LARGE1: variants seen among roughly 807,000 people sequenced by gnomAD.
LARGE1 encodes the protein LARGE xylosyl- and glucuronyltransferase 1, also known as xylosyl- and glucuronyltransferase LARGE1.
A neutral mutation model predicts 87.6 loss-of-function variants in LARGE1; 43 were observed. That is an observed-to-expected ratio of 0.49 (90% CI 0.38 to 0.63). The LOEUF (loss-of-function observed/expected upper bound fraction) is 0.63, where lower values mean the gene tolerates loss of function less well. Ranked by LOEUF, LARGE1 falls within the 30% of genes least tolerant of loss-of-function variation. The pLI is 0.00. For missense variants in LARGE1, 802 were observed against 1,000.2 expected, an observed-to-expected ratio of 0.80 and a Z score of 2.67; for synonymous variants, 434 against 394.6, an observed-to-expected ratio of 1.10 and a Z score of -1.18.
At chr22:33,159,583 A>ATT (rs768251168), downstream of LARGE1, among the ~76,000 whole-genome samples, 7 of 143,518 alleles carry the variant, frequency 4.9e-5, no homozygotes, top group East Asian at 2.0e-4. Flanking sequence ...ATCAATTTAA[A>ATT]TTTTTTTTTT....
intron 1 of LARGE1, among the ~76,000 whole-genome samples, chr22:33,811,590 C>A (rs150555477): frequency 1.3e-5 from 2 of 152,218 alleles, no homozygotes; most frequent in African/African-American, 4.8e-5. Context: ...GAAGAGCATG[C>A]TGTATTTAGG....
chr22:33,914,121 T>C (rs1038731325), intron 1 of LARGE1, among the ~76,000 whole-genome samples: 20 of 152,184 alleles, frequency 1.3e-4, no homozygotes, highest in Non-Finnish European at 1.8e-4. Context: ...AAACCTTCTA[T>C]TTACACTGCA....
chr22:33,621,198 T>G (rs1022974343), intron 4 of LARGE1, among the ~76,000 whole-genome samples: 5 of 152,208 alleles, frequency 3.3e-5, no homozygotes, highest in African/African-American at 1.2e-4. Context: ...ATTTATTCTG[T>G]TCTTAAGTAT....
At chr22:33,304,110 G>T in intron 12 of LARGE1, 119 bp downstream of exon 12, 1 of 1,156,250 alleles carries the variant, frequency 8.6e-7, no homozygotes, top group Non-Finnish European at 1.2e-6. Flanking sequence ...GGTCTCTGCT[G>T]CCCCATCTGG....
At chr22:33,255,130 G>A (rs9619339) in intron 11 of LARGE1, among the ~76,000 whole-genome samples, 16,052 of 152,018 alleles carry the variant, frequency 0.11, 992 homozygotes, top group East Asian at 0.22. Flanking sequence ...CAGAGACGGG[G>A]TTTCACCATG....
chr22:33,088,723 T>C, the LARGE1 span, among the ~76,000 whole-genome samples: 2 of 150,522 alleles, frequency 1.3e-5, no homozygotes, highest in East Asian at 3.9e-4. Context: ...AACTTAATAG[T>C]TAAGAGTACA....
the LARGE1 span, among the ~76,000 whole-genome samples, chr22:33,089,505 C>T: frequency 6.6e-6 from 1 of 150,502 alleles, no homozygotes; most frequent in African/African-American, 2.4e-5. Flanking sequence ...TCTCCTCCTC[C>T]TTCTTTTTTT....
At chr22:33,672,576 G>T (rs2081448619) in intron 2 of LARGE1, among the ~76,000 whole-genome samples, 1 of 152,166 alleles carries the variant, frequency 6.6e-6, no homozygotes, top group African/African-American at 2.4e-5. Flanking sequence ...CTATGCTCCT[G>T]ACCAATTTGG....
chr22:33,816,721 C>G (rs1455342682), intron 1 of LARGE1, among the ~76,000 whole-genome samples: 2 of 150,076 alleles, frequency 1.3e-5, no homozygotes, highest in Non-Finnish European at 3.0e-5. Flanking sequence ...GACAGACAGA[C>G]AGACAGACAG....
intron 2 of LARGE1, among the ~76,000 whole-genome samples, chr22:33,707,833 C>A (rs762084274): frequency 6.6e-6 from 1 of 152,112 alleles, no homozygotes; most frequent in Non-Finnish European, 1.5e-5. Context: ...GCCCTGGGGG[C>A]GAGAACCCCC....
chr22:33,546,274 G>A (rs1002384815), intron 6 of LARGE1, among the ~76,000 whole-genome samples: 1 of 152,172 alleles, frequency 6.6e-6, no homozygotes, highest in Non-Finnish European at 1.5e-5. Flanking sequence ...AACTGACATA[G>A]GGAACACACC....
intron 6 of LARGE1, among the ~76,000 whole-genome samples, chr22:33,436,367 G>C (rs1410331424): frequency 4.6e-5 from 7 of 152,172 alleles, no homozygotes; most frequent in Admixed American, 4.6e-4. Flanking sequence ...TTCTTTGGAG[G>C]TCATCCAGCA....
intron 9 of LARGE1, among the ~76,000 whole-genome samples, chr22:33,341,871 T>C (rs180785489): frequency 2.0e-5 from 3 of 152,236 alleles, no homozygotes; most frequent in African/African-American, 7.2e-5. Context: ...GTTCCATAAG[T>C]GTGGGTTTCC....
intron 7 of LARGE1, among the ~76,000 whole-genome samples, chr22:33,425,645 A>T (rs779011252): frequency 1.4e-4 from 22 of 152,234 alleles, no homozygotes; most frequent in Admixed American, 1.0e-3. Context: ...GACTCCATCT[A>T]CAGGCAGTTT....
intron 6 of LARGE1, among the ~76,000 whole-genome samples, chr22:33,522,729 G>T (rs1220075668): frequency 6.6e-6 from 1 of 151,888 alleles, no homozygotes; most frequent in Non-Finnish European, 1.5e-5. Flanking sequence ...TACTTGGGAG[G>T]CTGAGGCAAG....
chr22:33,900,706 G>T (rs2065259162), intron 1 of LARGE1, among the ~76,000 whole-genome samples: 1 of 152,310 alleles, frequency 6.6e-6, no homozygotes, highest in East Asian at 1.9e-4. Context: ...AAGTTAAAAT[G>T]AGGTCATTAG....
chr22:33,491,829 C>T (rs1196448069), intron 6 of LARGE1, among the ~76,000 whole-genome samples: 3 of 152,034 alleles, frequency 2.0e-5, no homozygotes, highest in Non-Finnish European at 4.4e-5. Context: ...ACAGAAAAGA[C>T]GAGGAATTCA....
chr22:33,919,646 G>T (rs1051280070), intron 1 of LARGE1, among the ~76,000 whole-genome samples: 3 of 152,254 alleles, frequency 2.0e-5, no homozygotes, highest in South Asian at 2.1e-4. Flanking sequence ...CTCCAAACAC[G>T]GCAGGCTCCG....
the LARGE1 span, among the ~76,000 whole-genome samples, chr22:33,098,624 A>T: frequency 4.6e-5 from 7 of 152,326 alleles, no homozygotes; most frequent in African/African-American, 1.7e-4. Context: ...CCGTCTCAAA[A>T]AAATAAATAA....
Sources: gnomAD v4.1 joint callset for allele counts (sites outside exome capture counted in the v4.1 genomes callset) on GRCh38, gnomAD v4.1.1 for gene constraint, MANE v1.5 for transcripts, NCBI Gene and HGNC (gene_info 2026-07-23, HGNC 2026-07-21) for gene names.